DHRSX: variants seen among roughly 807,000 people sequenced by gnomAD.
The protein encoded by DHRSX is polyprenol dehydrogenase.
In DHRSX, 31 loss-of-function variants were observed where a neutral mutation model predicts 34.0. The ratio of observed to expected loss-of-function variants is 0.91; its 90% CI spans 0.69 to 1.23. DHRSX has a LOEUF of 1.23. DHRSX is among the 50% of genes most tolerant of loss of function. The pLI is 0.00. For synonymous variants in DHRSX, 201 were observed against 183.8 expected, an observed-to-expected ratio of 1.09 and a Z score of -0.76; for missense variants, 414 against 428.1, an observed-to-expected ratio of 0.97 and a Z score of 0.29.
intron 1 of DHRSX, among the ~76,000 whole-genome samples, chrX:2,494,272 T>G (rs1218341844): frequency 6.6e-6 from 1 of 151,160 alleles, no homozygotes; most frequent in Non-Finnish European, 1.5e-5. Context: ...ATTATTACAT[T>G]ATTATTATTA....
chrX:2,255,256 A>G (rs2041261140), intron 5 of DHRSX, among the ~76,000 whole-genome samples: 1 of 152,192 alleles, frequency 6.6e-6, no homozygotes, highest in African/African-American at 2.4e-5. Flanking sequence ...CATTGCAGGT[A>G]TCTTGTGAAT....
chrX:2,421,788 G>A (rs760098156), intron 2 of DHRSX, among the ~76,000 whole-genome samples: 3 of 152,310 alleles, frequency 2.0e-5, no homozygotes, highest in South Asian at 4.1e-4. Flanking sequence ...CTATTGAAAC[G>A]CATGAGGCCC....
At chrX:2,395,222 C>T (rs2043394650) in intron 3 of DHRSX, among the ~76,000 whole-genome samples, 1 of 152,130 alleles carries the variant, frequency 6.6e-6, no homozygotes. Context: ...CACTCACCTG[C>T]TGCAGGGAGC....
chrX:2,335,565 C>G (rs2042548442), intron 3 of DHRSX, among the ~76,000 whole-genome samples: 1 of 151,848 alleles, frequency 6.6e-6, no homozygotes, highest in Non-Finnish European at 1.5e-5. Context: ...ATTCTCCTGC[C>G]TCAGCCTCCC....
chrX:2,326,526 AAAC>A (rs976449360), intron 3 of DHRSX, among the ~76,000 whole-genome samples: 17 of 152,192 alleles, frequency 1.1e-4, no homozygotes, highest in South Asian at 4.1e-4. Flanking sequence ...CTGTCTCAAA[AAAC>A]AACAACAACA....
chrX:2,404,203 C>T (rs1284601807), intron 3 of DHRSX, among the ~76,000 whole-genome samples: 1 of 152,024 alleles, frequency 6.6e-6, no homozygotes, highest in Non-Finnish European at 1.5e-5. Context: ...TTCCAGGGCC[C>T]CGCCCCCACC....
chrX:2,262,011 G>C (rs1235590553), intron 5 of DHRSX, among the ~76,000 whole-genome samples: 2 of 152,144 alleles, frequency 1.3e-5, no homozygotes, highest in African/African-American at 4.8e-5. Context: ...GCTGTGCCAA[G>C]ACTCCTCGTT....
chrX:2,440,382 T>A (rs2044047721), intron 1 of DHRSX, among the ~76,000 whole-genome samples: 1 of 151,844 alleles, frequency 6.6e-6, no homozygotes, highest in African/African-American at 2.4e-5. Context: ...TGTGTTTTTT[T>A]GTAGAGACAG....
intron 3 of DHRSX, among the ~76,000 whole-genome samples, chrX:2,403,355 C>A (rs2043511543): frequency 6.6e-6 from 1 of 152,162 alleles, no homozygotes; most frequent in South Asian, 2.1e-4. Context: ...AGCTTTTAAA[C>A]AGCCACAGAA....
At chrX:2,406,443 G>GT (rs58388477) in intron 3 of DHRSX, among the ~76,000 whole-genome samples, 3 of 147,228 alleles carry the variant, frequency 2.0e-5, no homozygotes, top group Non-Finnish European at 4.5e-5. Context: ...TTTGTTTTTT[G>GT]TTTTTTTTTT....
intron 3 of DHRSX, among the ~76,000 whole-genome samples, chrX:2,323,787 G>A (rs1035709829): frequency 2.0e-5 from 3 of 149,572 alleles, no homozygotes; most frequent in Non-Finnish European, 4.4e-5. Context: ...CATCATTATC[G>A]TCACAGTAAT....
At chrX:2,221,486 C>T (rs186834727) in intron 6 of DHRSX, among the ~76,000 whole-genome samples, 2 of 152,244 alleles carry the variant, frequency 1.3e-5, no homozygotes, top group Admixed American at 6.5e-5. Flanking sequence ...TCTCACTAGG[C>T]AGATGCATAT....
intron 3 of DHRSX, among the ~76,000 whole-genome samples, chrX:2,301,540 G>A (rs1301042441): frequency 1.3e-5 from 2 of 152,248 alleles, no homozygotes; most frequent in Non-Finnish European, 2.9e-5. Context: ...GAGCAGAGAT[G>A]AGAGGGATGG....
rs757216453 is a variant in DHRSX, at chrX:2,359,308, C to T, written c.286+49437G>A. 7.2e-4 allele frequency among the ~76,000 whole-genome samples: 109 copies of T among 152,302 alleles called. 1 individual carries two copies. Among genetic ancestry groups the T allele is most frequent in the African/African-American group, 2.4e-3 (99 of 41,554 alleles). On this transcript the variant is annotated intron_variant, in intron 3 of 6. Coordinates refer to ENST00000334651, the MANE Select transcript of DHRSX (RefSeq NM_145177.3). Reference sequence around the variant, plus strand: ...ATAAAGACACATGCACGTGTATGTTCGTGGCAGCACCTTTCACAATAGCAA... The same window carrying T: ...ATAAAGACACATGCACGTGTATGTTTGTGGCAGCACCTTTCACAATAGCAA...
In DHRSX at chrX:2,459,218, G is replaced by A. The variant is rs186259660; in HGVS notation, c.110-33914C>T. Among the ~76,000 whole-genome samples, 137 of 152,032 alleles carry A rather than the reference G, an allele frequency of 9.0e-4. 1 individual carries two copies. Among genetic ancestry groups the A allele is most frequent in the Non-Finnish European group, 1.6e-3 (106 of 67,964 alleles). On this transcript the variant is annotated intron_variant, in intron 1 of 6. Coordinates refer to ENST00000334651, the MANE Select transcript of DHRSX (RefSeq NM_145177.3). Reference sequence around the variant, plus strand: ...TCAAAGTTCTATCATACCACACAGTGATTATAGTTAATAATAATACATTGC... The same window carrying A: ...TCAAAGTTCTATCATACCACACAGTAATTATAGTTAATAATAATACATTGC...
intron 3 of DHRSX, among the ~76,000 whole-genome samples, chrX:2,368,414 C>G (rs2043019129): frequency 6.6e-6 from 1 of 152,030 alleles, no homozygotes; most frequent in South Asian, 2.1e-4. Flanking sequence ...AAATGCTGTT[C>G]AAATTATTCT....
chrX:2,269,969 G>A (rs894627969), intron 4 of DHRSX, among the ~76,000 whole-genome samples: 1 of 152,146 alleles, frequency 6.6e-6, no homozygotes, highest in African/African-American at 2.4e-5. Context: ...ACACGTGCTT[G>A]TGTTTGTGTG....
intron 1 of DHRSX, among the ~76,000 whole-genome samples, chrX:2,429,336 G>A (rs904298545): frequency 2.4e-4 from 37 of 152,108 alleles, no homozygotes; most frequent in Admixed American, 2.2e-3. Flanking sequence ...GTGTCTGTGT[G>A]TGTACATACA....
intron 3 of DHRSX, among the ~76,000 whole-genome samples, chrX:2,321,347 G>A (rs1173865784): frequency 3.3e-5 from 5 of 152,116 alleles, no homozygotes; most frequent in Admixed American, 1.3e-4. Context: ...CAGCCCAAGA[G>A]GGAAGAGGCG....
Sources: gnomAD v4.1 joint callset for allele counts (sites outside exome capture counted in the v4.1 genomes callset) on GRCh38, gnomAD v4.1.1 for gene constraint, MANE v1.5 for transcripts, NCBI Gene and HGNC (gene_info 2026-07-23, HGNC 2026-07-21) for gene names.